TFCP2: variants seen among roughly 807,000 people sequenced by gnomAD.
TFCP2 encodes the protein transcription factor CP2, also known as alpha-globin transcription factor CP2.
Under a neutral mutation model 73.4 loss-of-function variants are expected in TFCP2, and 33 were observed. The ratio of observed to expected loss-of-function variants is 0.45; its 90% CI spans 0.34 to 0.60. The LOEUF (loss-of-function observed/expected upper bound fraction) is 0.60, where lower values mean the gene tolerates loss of function less well. Ranked by LOEUF, TFCP2 falls within the 20% of genes least tolerant of loss-of-function variation. The pLI is 0.01. For missense variants in TFCP2, 352 were observed against 604.0 expected, an observed-to-expected ratio of 0.58 and a Z score of 4.37; for synonymous variants, 193 against 211.6, an observed-to-expected ratio of 0.91 and a Z score of 0.76.
chr12:51,132,357 C>CTTT lies in TFCP2; in HGVS notation c.123-13588_123-13586dup, dbSNP rs869123355. 9.1e-3 allele frequency among the ~76,000 whole-genome samples: 562 copies of CTTT among 61,728 alleles called. 126 individuals carry two copies. Among genetic ancestry groups the CTTT allele is most frequent in the African/African-American group, 0.026 (439 of 17,180 alleles). The allele number at this position is 61,728 out of a possible 152,430, so 40.5% of individuals were successfully genotyped here. A position where few individuals can be genotyped will look rare whatever the true frequency, so the allele number is the denominator to read the frequency against. Reference sequence around the variant, plus strand: ...TGCAAGTTCTGGTTTAGGGATTAGTCTTTTTTTTTTTTTTTTTTTTTTTTT... The same window carrying CTTT: ...TGCAAGTTCTGGTTTAGGGATTAGTCTTTTTTTTTTTTTTTTTTTTTTTTTTTT... On this transcript the variant is annotated intron_variant, in intron 1 of 14. Coordinates refer to ENST00000257915, the MANE Select transcript of TFCP2 (RefSeq NM_005653.5).
intron 1 of TFCP2, among the ~76,000 whole-genome samples, chr12:51,149,758 C>T (rs1941382978): frequency 6.6e-6 from 1 of 152,068 alleles, no homozygotes; most frequent in Non-Finnish European, 1.5e-5. Flanking sequence ...CATCACCACG[C>T]TCAGCTAATT....
Position 51,099,738 on chromosome 12 carries a change from G to A in TFCP2, c.1193C>T (p.Ser398Leu). 1 of 1,614,146 alleles carries A rather than the reference G, an allele frequency of 6.2e-7. No homozygotes were observed. Among genetic ancestry groups the A allele is most frequent in the South Asian group, 1.1e-5 (1 of 91,090 alleles). ...TTGTTGCTGCTCCCTCAACTGCAGT[G>A]ATTCCTGACAAACATAAATGGTTAA... ...PRLTIYVCQE[S>L]LQLREQQQQQ... Residue 398 changes from serine (S) to leucine (L), a missense_variant, in exon 12 of 15, where the codon TCA becomes TTA. Ser to Leu is a moderately radical substitution (Grantham distance 145). Coordinates refer to ENST00000257915, the MANE Select transcript of TFCP2 (RefSeq NM_005653.5).
chr12:51,135,236 G>A (rs1421436555), intron 1 of TFCP2, among the ~76,000 whole-genome samples: 1 of 152,008 alleles, frequency 6.6e-6, no homozygotes, highest in Non-Finnish European at 1.5e-5. Flanking sequence ...AGACCAGCCT[G>A]ACCAACGTAG....
intron 13 of TFCP2, 102 bp from the exon 14 acceptor site, chr12:51,096,142 GAGGCTTTAC>G: frequency 2.3e-6 from 2 of 879,050 alleles, no homozygotes; most frequent in Non-Finnish European, 3.6e-6. Flanking sequence ...ATTTATATGG[GAGGCTTTAC>G]AGGTCACAAA....
intron 1 of TFCP2, among the ~76,000 whole-genome samples, chr12:51,143,611 T>C (rs1941232425): frequency 1.3e-5 from 2 of 152,076 alleles, no homozygotes; most frequent in South Asian, 4.2e-4. Context: ...ATAAACTCAT[T>C]TAATCTTCAT....
intron 1 of TFCP2, among the ~76,000 whole-genome samples, chr12:51,169,372 G>A (rs1365361358): frequency 1.3e-5 from 2 of 151,790 alleles, no homozygotes; most frequent in Non-Finnish European, 2.9e-5. Context: ...ATGATGGCGT[G>A]CGCCTGTAGT....
chr12:51,154,098 C>T (rs1008347992), intron 1 of TFCP2, among the ~76,000 whole-genome samples: 5 of 152,106 alleles, frequency 3.3e-5, no homozygotes, highest in Non-Finnish European at 5.9e-5. Context: ...ATTGTATGTA[C>T]TTACAACATT....
chr12:51,125,111 G>A (rs755731682), intron 1 of TFCP2: 122 of 752,334 alleles, frequency 1.6e-4, no homozygotes, highest in Non-Finnish European at 2.5e-4. Flanking sequence ...GAGGAAGCTG[G>A]CTAGCAACAG....
intron 1 of TFCP2, chr12:51,124,759 T>C: frequency 1.3e-6 from 1 of 755,178 alleles, no homozygotes; most frequent in Non-Finnish European, 2.4e-6. Context: ...GCTGCCTTTT[T>C]CTGCTGCTCA....
chr12:51,105,909 G>A (rs1445322598), intron 8 of TFCP2, among the ~76,000 whole-genome samples: 1 of 152,046 alleles, frequency 6.6e-6, no homozygotes, highest in East Asian at 1.9e-4. Flanking sequence ...TTAAATGCTT[G>A]GACTATAATA....
chr12:51,159,049 G>A (rs1057441687), intron 1 of TFCP2, among the ~76,000 whole-genome samples: 27 of 148,276 alleles, frequency 1.8e-4, no homozygotes, highest in Non-Finnish European at 3.9e-4. Flanking sequence ...CGTGGTGGTA[G>A]GCGCCTTTAA....
Position 51,144,967 on chromosome 12 carries a change from G to A in TFCP2, c.123-26195C>T, listed in dbSNP as rs565261300. 1.1e-4 allele frequency among the ~76,000 whole-genome samples: 16 copies of A among 152,252 alleles called. 1 individual carries two copies. The highest frequency in any genetic ancestry group is 2.0e-4 in the Admixed American group (3 of 15,292). On this transcript the variant is annotated intron_variant, in intron 1 of 14. Coordinates refer to ENST00000257915, the MANE Select transcript of TFCP2 (RefSeq NM_005653.5). ...AATAATCCCAACGTTTTGGGAGGCC[G>A]AGGTGGGCGGATCACTTGAGGTCAG...
chr12:51,124,110 T>C (rs199938101), intron 1 of TFCP2, among the ~76,000 whole-genome samples: 3 of 143,402 alleles, frequency 2.1e-5, no homozygotes, highest in African/African-American at 5.2e-5. Flanking sequence ...TTTTTTTTTC[T>C]TTTTTGAGGG....
At chr12:51,171,581 T>C (rs11169733) in intron 1 of TFCP2, among the ~76,000 whole-genome samples, 23,601 of 151,718 alleles carry the variant, frequency 0.16, 2,089 homozygotes, top group Admixed American at 0.23. Context: ...TTTCACCACG[T>C]TGGCCACGAT....
chr12:51,164,645 G>A (rs1233053244), intron 1 of TFCP2, among the ~76,000 whole-genome samples: 3 of 151,262 alleles, frequency 2.0e-5, no homozygotes, highest in African/African-American at 7.3e-5. Context: ...AGACTGACTG[G>A]GAGAAAAAGA....
chr12:51,167,458 T>C (rs1258589601), intron 1 of TFCP2, among the ~76,000 whole-genome samples: 1 of 152,066 alleles, frequency 6.6e-6, no homozygotes, highest in African/African-American at 2.4e-5. Flanking sequence ...AGTGGCTCGA[T>C]CTTGGCTCAC....
chr12:51,152,393 T>C (rs1941447825), intron 1 of TFCP2, among the ~76,000 whole-genome samples: 1 of 152,148 alleles, frequency 6.6e-6, no homozygotes, highest in Non-Finnish European at 1.5e-5. Flanking sequence ...AGAGACAAGG[T>C]CACTGAATCA....
chr12:51,140,669 T>C (rs1295314683), intron 1 of TFCP2, among the ~76,000 whole-genome samples: 2 of 151,710 alleles, frequency 1.3e-5, no homozygotes, highest in African/African-American at 4.8e-5. Context: ...CATAGCTCAC[T>C]GCCACCTCAA....
At chr12:51,168,094 T>TA (rs35503389) in intron 1 of TFCP2, among the ~76,000 whole-genome samples, 2 of 151,274 alleles carry the variant, frequency 1.3e-5, no homozygotes, top group African/African-American at 4.9e-5. Context: ...AAATTAAAAT[T>TA]AAAAAAAAAT....
Sources: allele counts gnomAD v4.1 joint callset (sites outside exome capture counted in the v4.1 genomes callset), GRCh38; gene constraint gnomAD v4.1.1; transcripts MANE v1.5; gene names NCBI Gene and HGNC (gene_info 2026-07-23, HGNC 2026-07-21).